EWSR1: variants seen among roughly 807,000 people sequenced by gnomAD.
EWSR1 encodes the protein RNA-binding protein EWS.
EWSR1 carries 14 observed loss-of-function variants against 92.1 expected under a neutral mutation model. The observed-to-expected ratio is 0.15, with a 90% CI of 0.10 to 0.24. The LOEUF (loss-of-function observed/expected upper bound fraction) is 0.24, where lower values mean the gene tolerates loss of function less well. Ranked by LOEUF, EWSR1 falls within the 10% of genes least tolerant of loss-of-function variation. The pLI is 1.00. For synonymous variants in EWSR1, 303 were observed against 292.9 expected (o/e 1.03, Z -0.35); for missense variants, 637 against 870.9 (o/e 0.73, Z 3.38).
chr22:29,280,760 G>T (rs1465569243), intron 5 of EWSR1, among the ~76,000 whole-genome samples: 2 of 148,070 alleles, frequency 1.4e-5, no homozygotes, highest in South Asian at 4.3e-4. Flanking sequence ...TGGAGCCTCC[G>T]CCTCCGGGGT....
intron 6 of EWSR1, among the ~76,000 whole-genome samples, chr22:29,284,821 T>G (rs1384373942): frequency 6.6e-6 from 1 of 151,240 alleles, no homozygotes; most frequent in African/African-American, 2.5e-5. Context: ...TTGTGTGTGT[T>G]TTGTTTTGTT....
At position 29,277,638 on chromosome 22, in the gene EWSR1, C is replaced by T. The variant is rs2059225067; in HGVS notation, c.227-392C>T. The stretch of plus-strand genomic sequence containing the variant: ...TTTCTTCTGGGATGTTTTATTCCTG[C>T]TTGAGGGTATTTTGGGGTAAGTTTG... On this transcript the variant is annotated intron_variant, in intron 4 of 16. Coordinates refer to ENST00000397938, the MANE Select transcript of EWSR1 (RefSeq NM_005243.4). 1.7e-5 allele frequency: 4 copies of T among 237,354 alleles called. No individual in the cohort carries two copies. The Admixed American group carries it at 2.2e-4, about 13-fold the overall frequency. 14.7% of individuals were successfully genotyped at this position (237,354 alleles called of 1,614,324 possible). A position where few individuals can be genotyped will look rare whatever the true frequency, so the allele number is the denominator to read the frequency against.
intron 11 of EWSR1, chr22:29,295,464 A>T: frequency 4.8e-6 from 1 of 208,270 alleles, no homozygotes; most frequent in Non-Finnish European, 9.8e-6. Flanking sequence ...TCTGTCTCAC[A>T]AAAAAGAAAA....
intron 5 of EWSR1, 72 bp downstream of exon 5, chr22:29,278,288 T>G: frequency 6.9e-7 from 1 of 1,442,802 alleles, no homozygotes; most frequent in Non-Finnish European, 9.4e-7. Flanking sequence ...ACACTTAAAA[T>G]AATCTGTGGT....
chr22:29,275,295 G>T (rs936814334), intron 4 of EWSR1, among the ~76,000 whole-genome samples: 5 of 152,170 alleles, frequency 3.3e-5, no homozygotes, highest in Admixed American at 6.5e-5. Flanking sequence ...CGAATCCTTA[G>T]ATCATTTTAC....
chr22:29,282,013 A>T (rs761088303), intron 5 of EWSR1, among the ~76,000 whole-genome samples: 5 of 152,230 alleles, frequency 3.3e-5, no homozygotes, highest in Admixed American at 1.3e-4. Context: ...TCTGGTCTTC[A>T]GCAGTCCCCT....
chr22:29,297,887 A>G lies in EWSR1; in HGVS notation c.1355A>G (p.Asn452Ser). ...VSLARKKPPM[N>S]SMRGGLPPRE... is the part of the protein sequence containing the mutation. ...CTTGCTCGGAAGAAGCCTCCAATGAACAGTATGCGGGGTGGTCTGCCACCC... is the reference window on the plus strand; with the variant it reads ...CTTGCTCGGAAGAAGCCTCCAATGAGCAGTATGCGGGGTGGTCTGCCACCC... The change falls in exon 13 of 17, where the codon AAC becomes AGC. Residue 452 changes from asparagine to serine, a missense_variant. By Grantham distance (46) the Asn-to-Ser change is conservative (BLOSUM62 1). This residue lies in a region of EWSR1 where 363 missense variants were observed against 447.8 expected (regional missense o/e 0.81). Transcript: ENST00000397938. The G allele has an allele frequency of 6.2e-7, 1 of 1,614,012 alleles. No homozygotes were observed. The highest frequency in any genetic ancestry group is 1.3e-5 in the African/African-American group (1 of 74,988).
intron 4 of EWSR1, chr22:29,276,924 A>C (rs2059166677): frequency 1.7e-5 from 4 of 231,690 alleles, no homozygotes; most frequent in Non-Finnish European, 2.6e-5. Flanking sequence ...AGTGTAAACC[A>C]AACTTTTTAT....
Position 29,300,140 on chromosome 22 carries a change from G to T in EWSR1, c.1950G>T (p.Glu650Asp), listed in dbSNP as rs1450299069. ...CTTGCAGAGGCGAGCACCGTCAGGA[G>T]CGCAGAGATCGGCCCTACTAGATGC... is the stretch of plus-strand genomic sequence containing the variant. ...GKMDKGEHRQERRDRPY is the reference protein window; with the variant it reads ...GKMDKGEHRQDRRDRPY Residue 650 changes from glutamate to aspartate, a missense_variant, in exon 17 of 17, where the codon GAG (glutamate) becomes GAT (aspartate). Glu to Asp is a conservative substitution (Grantham distance 45). Coordinates refer to ENST00000397938, the MANE Select transcript of EWSR1 (RefSeq NM_005243.4). 1 of 1,599,680 alleles carries T rather than the reference G, an allele frequency of 6.3e-7. No individual in the cohort carries two copies. The highest frequency in any genetic ancestry group is 1.4e-5 in the African/African-American group (1 of 70,634).
chr22:29,299,551 C>T (rs1424879768), intron 15 of EWSR1, 48 bp from the exon 16 acceptor site: 1 of 1,544,966 alleles, frequency 6.5e-7, no homozygotes. Flanking sequence ...TCCACAGGGC[C>T]TCTGCAGCCA....
At chr22:29,277,885 G>T (rs1197090604) in intron 4 of EWSR1, 145 bp from the exon 5 acceptor site, 2 of 668,274 alleles carry the variant, frequency 3.0e-6, no homozygotes, top group African/African-American at 3.7e-5. Context: ...CCAGTTTGTT[G>T]CTACTCTTGC....
chr22:29,282,693 G>T, intron 6 of EWSR1, 136 bp downstream of exon 6: 1 of 621,924 alleles, frequency 1.6e-6, no homozygotes. Flanking sequence ...GACCATACTT[G>T]GTTACATTAA....
intron 11 of EWSR1, among the ~76,000 whole-genome samples, 198 bp downstream of exon 11, chr22:29,292,804 G>T (rs1214098013): frequency 7.4e-6 from 1 of 134,530 alleles, no homozygotes; most frequent in Non-Finnish European, 1.5e-5. Flanking sequence ...CCTTCTTGGT[G>T]CCCAGGCTGG....
chr22:29,299,361 A>G, intron 15 of EWSR1, 30 bp downstream of exon 15: 3 of 1,601,242 alleles, frequency 1.9e-6, no homozygotes, highest in Non-Finnish European at 2.6e-6. Flanking sequence ...GTGTCCCCTC[A>G]GCTTCCTGGT....
chr22:29,291,447 C>A, intron 8 of EWSR1, 115 bp from the exon 9 acceptor site: 1 of 914,574 alleles, frequency 1.1e-6, no homozygotes, highest in Non-Finnish European at 1.7e-6. Context: ...GAGAGAGATG[C>A]ATTGTTTGGA....
intron 9 of EWSR1, 200 bp from the exon 10 acceptor site, chr22:29,291,937 A>T (rs2060470454): frequency 1.6e-6 from 1 of 607,720 alleles, no homozygotes. Flanking sequence ...GAAGCAAACC[A>T]GCAAAGGAAA....
chr22:29,288,804 C>T lies in EWSR1; in HGVS notation c.974+18C>T. The stretch of plus-strand genomic sequence containing the variant: ...GGAATGGGGTAAGAGCAAACCTTTT[C>T]TCCTTTTACCTAATTTTGTTTCATC... On this transcript the variant is annotated intron_variant, in intron 8 of 16. Coordinates refer to ENST00000397938, the MANE Select transcript of EWSR1 (RefSeq NM_005243.4). 1.9e-6 allele frequency: 3 copies of T among 1,555,848 alleles called. No individual in the cohort carries two copies. The highest frequency in any genetic ancestry group is 2.0e-5 in the Admixed American group (1 of 50,798).
At chr22:29,297,675 CA>C in intron 12 of EWSR1, 151 bp from the exon 13 acceptor site, 4 of 1,043,906 alleles carry the variant, frequency 3.8e-6, no homozygotes, top group Admixed American at 2.5e-5. Context: ...ACTCCCATCT[CA>C]AAAAAAGCCT....
At chr22:29,276,800 G>A (rs952467410) in intron 4 of EWSR1, 4 of 231,314 alleles carry the variant, frequency 1.7e-5, no homozygotes, top group East Asian at 1.2e-4. Context: ...GAAGGCTCAC[G>A]CCACCATGCC....
Sources: gnomAD v4.1 joint callset for allele counts (sites outside exome capture counted in the v4.1 genomes callset) on GRCh38, gnomAD v4.1.1 for gene constraint, gnomAD v4.1.1 regional missense constraint, MANE v1.5 for transcripts, NCBI Gene and HGNC (gene_info 2026-07-23, HGNC 2026-07-21) for gene names.